Variants in MAGI2 observed in about 807,000 individuals in gnomAD.
The protein encoded by MAGI2 is membrane-associated guanylate kinase, WW and PDZ domain-containing protein 2.
Under a neutral mutation model 133.3 loss-of-function variants are expected in MAGI2, and 35 were observed. That is an observed-to-expected ratio of 0.26 (90% CI 0.20 to 0.35). The LOEUF (loss-of-function observed/expected upper bound fraction) is 0.35, where lower values mean the gene tolerates loss of function less well. Ranked by LOEUF, MAGI2 falls within the 10% of genes least tolerant of loss-of-function variation. The probability of loss-of-function intolerance (pLI) is 1.00; values close to 1 mark genes in which losing one functional copy is unlikely to be tolerated. For missense variants in MAGI2, 1,636 were observed against 1,863.4 expected, an observed-to-expected ratio of 0.88 and a Z score of 2.25; for synonymous variants, 729 against 710.6, an observed-to-expected ratio of 1.03 and a Z score of -0.41.
chr7:78,804,529 A>G (rs1011427116), intron 2 of MAGI2, among the ~76,000 whole-genome samples: 2 of 151,072 alleles, frequency 1.3e-5, no homozygotes, highest in South Asian at 2.1e-4. Context: ...CAGGCGGATC[A>G]TGACGTCAGG....
At chr7:79,020,677 A>G (rs1809229388) in intron 1 of MAGI2, among the ~76,000 whole-genome samples, 1 of 151,460 alleles carries the variant, frequency 6.6e-6, no homozygotes, top group Non-Finnish European at 1.5e-5. Flanking sequence ...GAGGCAGGAG[A>G]ATGGCATGAA....
chr7:78,405,199 C>T (rs1389307377), intron 6 of MAGI2, among the ~76,000 whole-genome samples: 1 of 152,102 alleles, frequency 6.6e-6, no homozygotes, highest in African/African-American at 2.4e-5. Context: ...TTTAGGCTAA[C>T]AAGCACTACT....
chr7:78,466,252 A>G (rs548450703), intron 6 of MAGI2, among the ~76,000 whole-genome samples: 35 of 152,080 alleles, frequency 2.3e-4, no homozygotes, highest in African/African-American at 8.4e-4. Context: ...CTCCCTTTCC[A>G]CTCAGCCTAA....
intron 6 of MAGI2, among the ~76,000 whole-genome samples, chr7:78,439,900 C>A (rs1047747046): frequency 6.6e-6 from 1 of 152,076 alleles, no homozygotes; most frequent in Non-Finnish European, 1.5e-5. Flanking sequence ...TGGGAGCCAC[C>A]AGCCACATGT....
At chr7:78,602,336 T>C (rs1337486713) in intron 3 of MAGI2, among the ~76,000 whole-genome samples, 1 of 152,142 alleles carries the variant, frequency 6.6e-6, no homozygotes, top group Non-Finnish European at 1.5e-5. Context: ...ATTTTTGTAT[T>C]TTTAGTAGAA....
chr7:78,891,843 A>G (rs2151571152), intron 2 of MAGI2, among the ~76,000 whole-genome samples: 1 of 152,136 alleles, frequency 6.6e-6, no homozygotes, highest in Middle Eastern at 3.4e-3. Context: ...CTCTCTCACC[A>G]CTCTTATTCA....
intron 1 of MAGI2, among the ~76,000 whole-genome samples, chr7:79,117,009 A>G (rs1819468303): frequency 6.6e-6 from 1 of 152,222 alleles, no homozygotes; most frequent in African/African-American, 2.4e-5. Flanking sequence ...TAATACACCC[A>G]GGCACCAGAG....
intron 1 of MAGI2, among the ~76,000 whole-genome samples, chr7:79,153,301 C>G (rs1456259646): frequency 4.9e-4 from 75 of 152,254 alleles, no homozygotes; most frequent in Middle Eastern, 3.4e-3. Flanking sequence ...TCATTGAATG[C>G]CCACCAGGCT....
chr7:78,463,540 A>G (rs551317809), intron 6 of MAGI2, among the ~76,000 whole-genome samples: 7 of 152,336 alleles, frequency 4.6e-5, no homozygotes, highest in African/African-American at 1.7e-4. Flanking sequence ...ATATGTATTA[A>G]TTGTACAGCC....
At chr7:78,853,556 A>G (rs1438763525) in intron 2 of MAGI2, among the ~76,000 whole-genome samples, 1 of 151,252 alleles carries the variant, frequency 6.6e-6, no homozygotes, top group Non-Finnish European at 1.5e-5. Context: ...GGGTCTCACC[A>G]TGTTGCCCAG....
chr7:79,243,749 G>A (rs1348749208), intron 1 of MAGI2, among the ~76,000 whole-genome samples: 2 of 152,076 alleles, frequency 1.3e-5, no homozygotes, highest in African/African-American at 2.4e-5. Flanking sequence ...ACTTAAAACA[G>A]TATCTTCTAA....
At chr7:79,342,869 C>T (rs1841005208) in intron 1 of MAGI2, among the ~76,000 whole-genome samples, 1 of 152,068 alleles carries the variant, frequency 6.6e-6, no homozygotes, top group Non-Finnish European at 1.5e-5. Context: ...AACTGATTCT[C>T]CTGCCTCAGC....
intron 10 of MAGI2, among the ~76,000 whole-genome samples, chr7:78,228,712 G>A (rs1331262381): frequency 6.6e-6 from 1 of 152,120 alleles, no homozygotes; most frequent in Non-Finnish European, 1.5e-5. Flanking sequence ...GTCAGTAAAA[G>A]TAGAAATATA....
At chr7:78,671,687 G>A (rs1814412970) in intron 2 of MAGI2, among the ~76,000 whole-genome samples, 1 of 152,030 alleles carries the variant, frequency 6.6e-6, no homozygotes, top group Non-Finnish European at 1.5e-5. Flanking sequence ...AATTCTACAG[G>A]AAATGTAAAC....
intron 3 of MAGI2, among the ~76,000 whole-genome samples, chr7:78,530,988 A>G (rs1797419160): frequency 1.3e-5 from 2 of 152,138 alleles, no homozygotes. Context: ...GTGCTCCTCA[A>G]ATCACAGTGG....
At chr7:78,603,512 T>G (rs1374206600) in intron 3 of MAGI2, among the ~76,000 whole-genome samples, 1 of 152,186 alleles carries the variant, frequency 6.6e-6, no homozygotes, top group Non-Finnish European at 1.5e-5. Flanking sequence ...TCTAGGCATA[T>G]TCTGGCAGAT....
chr7:78,093,967 C>G (rs560500125), intron 20 of MAGI2, among the ~76,000 whole-genome samples: 4 of 152,298 alleles, frequency 2.6e-5, no homozygotes, highest in Admixed American at 2.6e-4. Flanking sequence ...AACCAACCTT[C>G]TATGGGCTGG....
chr7:78,373,471 T>A (rs1393090829), intron 6 of MAGI2, among the ~76,000 whole-genome samples: 1 of 152,168 alleles, frequency 6.6e-6, no homozygotes, highest in Non-Finnish European at 1.5e-5. Flanking sequence ...GGGAGCCACT[T>A]TGTAGTATTT....
At chr7:78,078,924 G>A in intron 21 of MAGI2, 23 bp downstream of exon 21, 1 of 1,612,646 alleles carries the variant, frequency 6.2e-7, no homozygotes, top group Non-Finnish European at 8.5e-7. Flanking sequence ...GAGCAAAAGG[G>A]TGAATTAAAA....
Sources: gnomAD v4.1 joint callset for allele counts (sites outside exome capture counted in the v4.1 genomes callset) on GRCh38, gnomAD v4.1.1 for gene constraint, MANE v1.5 for transcripts, NCBI Gene and HGNC (gene_info 2026-07-23, HGNC 2026-07-21) for gene names.